Variants in PDS5A observed in about 807,000 individuals in gnomAD.
The protein encoded by PDS5A is PDS5 cohesin associated factor A.
Under a neutral mutation model 167.1 loss-of-function variants are expected in PDS5A, and 42 were observed. The ratio of observed to expected loss-of-function variants is 0.25; its 90% CI spans 0.20 to 0.33. The LOEUF (loss-of-function observed/expected upper bound fraction) is 0.33. PDS5A is among the 10% of genes least tolerant of loss of function. PDS5A has a pLI of 1.00. For missense variants in PDS5A, 1,033 were observed against 1,605.9 expected, an observed-to-expected ratio of 0.64 and a Z score of 6.10; for synonymous variants, 553 against 554.6, an observed-to-expected ratio of 1.00 and a Z score of 0.04.
At chr4:39,894,647 C>T (rs1330477101) in intron 16 of PDS5A, among the ~76,000 whole-genome samples, 1 of 152,170 alleles carries the variant, frequency 6.6e-6, no homozygotes, top group Non-Finnish European at 1.5e-5. Flanking sequence ...TCCACATATA[C>T]ATCTATTATA....
chr4:39,842,876 A>T (rs1011682517), intron 30 of PDS5A, among the ~76,000 whole-genome samples: 3 of 140,024 alleles, frequency 2.1e-5, no homozygotes, highest in African/African-American at 8.1e-5. Context: ...TTATAATTAG[A>T]AAATGTTAGA....
At chr4:39,929,682 C>G (rs1317227736) in intron 2 of PDS5A, among the ~76,000 whole-genome samples, 1 of 149,844 alleles carries the variant, frequency 6.7e-6, no homozygotes, top group Non-Finnish European at 1.5e-5. Flanking sequence ...TCTGTCGCCA[C>G]TGTCAAATAT....
intron 28 of PDS5A, chr4:39,846,877 G>GT (rs1178051589): frequency 6.6e-6 from 1 of 152,172 alleles, no homozygotes; most frequent in Middle Eastern, 3.2e-3. Context: ...AGGCAAAGCT[G>GT]TATCATTTCT....
At chr4:39,949,999 G>A (rs1024916839) in intron 2 of PDS5A, among the ~76,000 whole-genome samples, 19 of 151,786 alleles carry the variant, frequency 1.3e-4, no homozygotes, top group African/African-American at 3.1e-4. Context: ...TCCACCTCCC[G>A]AGTTTAAGTG....
intron 17 of PDS5A, among the ~76,000 whole-genome samples, chr4:39,884,301 G>A (rs2109602030): frequency 6.6e-6 from 1 of 152,298 alleles, no homozygotes; most frequent in East Asian, 1.9e-4. Context: ...TATCTCCTAA[G>A]CAGGGTTTAG....
chr4:39,874,885 A>G lies in PDS5A; in HGVS notation c.2154-473T>C, dbSNP rs1004061076. ...AGTATGCAAAGATACAGCTACATAT[A>G]TATCAGTAGAATGGCAATAAAAATA... On this transcript the variant is annotated intron_variant, in intron 19 of 32. Transcript: ENST00000303538. Among the ~76,000 whole-genome samples, 7 of 152,200 alleles carry G rather than the reference A, an allele frequency of 4.6e-5. No individual in the cohort carries two copies. The East Asian group carries it at 9.6e-4, about 21-fold the overall frequency.
At position 39,900,486 on chromosome 4, in the gene PDS5A, C is replaced by T. The variant is rs1409268743; in HGVS notation, c.1521G>A (p.Lys507=). The change falls in exon 14 of 33, where the codon AAG becomes AAA. Residue 507 remains lysine (K), a synonymous_variant. Coordinates refer to ENST00000303538, the MANE Select transcript of PDS5A (RefSeq NM_001100399.2). ...NAVKALNEMW[K]CQNMLRSHVR... is the part of the protein sequence containing the mutation. ...CATGGCTCCGAAGCATGTTCTGACA[C>T]TTCCACATTTCGTTGAGAGCTCTGT... 1.3e-6 allele frequency: 2 copies of T among 1,580,230 alleles called. No individual in the cohort carries two copies. Among genetic ancestry groups the T allele is most frequent in the Non-Finnish European group, 1.7e-6 (2 of 1,160,776 alleles).
chr4:39,918,496 C>T (rs1724618180), intron 7 of PDS5A, among the ~76,000 whole-genome samples: 2 of 152,012 alleles, frequency 1.3e-5, no homozygotes, highest in African/African-American at 4.8e-5. Flanking sequence ...TTGTATGCAA[C>T]TGATACAAGC....
At chr4:39,976,674 T>C (rs1385341732) in intron 1 of PDS5A, 57 bp from the exon 2 acceptor site, 1 of 900,870 alleles carries the variant, frequency 1.1e-6, no homozygotes, top group Non-Finnish European at 1.7e-6. Flanking sequence ...AACCTCTTTT[T>C]TCATTTCAAA....
chr4:39,879,625 CAAAT>C, intron 18 of PDS5A, 99 bp downstream of exon 18: 3 of 600,912 alleles, frequency 5.0e-6, no homozygotes, highest in Non-Finnish European at 9.0e-6. Flanking sequence ...TTAAATCTTT[CAAAT>C]AGTTTCCTGT....
At chr4:39,930,331 G>A (rs902745063) in intron 2 of PDS5A, among the ~76,000 whole-genome samples, 1 of 144,830 alleles carries the variant, frequency 6.9e-6, no homozygotes, top group African/African-American at 2.6e-5. Context: ...GGGCTCAAGC[G>A]ACCTGCCTGC....
At chr4:39,894,480 AT>A (rs1722228614) in intron 16 of PDS5A, among the ~76,000 whole-genome samples, 1 of 152,146 alleles carries the variant, frequency 6.6e-6, no homozygotes, top group South Asian at 2.1e-4. Flanking sequence ...TTGTCTGGGC[AT>A]TTGGCACATC....
chr4:39,903,681 A>C (rs1329904028), intron 12 of PDS5A, among the ~76,000 whole-genome samples: 1 of 152,182 alleles, frequency 6.6e-6, no homozygotes, highest in African/African-American at 2.4e-5. Flanking sequence ...TGGGAAAGGC[A>C]CTATTATTTT....
At chr4:39,841,024 C>T (rs1030061026) in intron 31 of PDS5A, among the ~76,000 whole-genome samples, 2 of 134,984 alleles carry the variant, frequency 1.5e-5, no homozygotes, top group African/African-American at 2.5e-5. Flanking sequence ...CCAAAGTGCA[C>T]GATTACAGGT....
chr4:39,943,183 T>C (rs941120055), intron 2 of PDS5A, among the ~76,000 whole-genome samples: 2 of 151,346 alleles, frequency 1.3e-5, no homozygotes, highest in Admixed American at 6.6e-5. Flanking sequence ...CGCACACATA[T>C]ATACATATAT....
chr4:39,871,419 G>A (rs1237004672), intron 21 of PDS5A, among the ~76,000 whole-genome samples: 2 of 152,114 alleles, frequency 1.3e-5, no homozygotes, highest in Admixed American at 1.3e-4. Context: ...GATATGTAAG[G>A]GTAGAAAATG....
chr4:39,974,150 TCTC>T, intron 2 of PDS5A: 1 of 574,596 alleles, frequency 1.7e-6, no homozygotes, highest in Non-Finnish European at 3.5e-6. Flanking sequence ...TGCTGCATAC[TCTC>T]CTCCTAGCCA....
chr4:39,944,955 T>C (rs1223469653), intron 2 of PDS5A, among the ~76,000 whole-genome samples: 1 of 152,200 alleles, frequency 6.6e-6, no homozygotes, highest in African/African-American at 2.4e-5. Flanking sequence ...TCTTAATTCT[T>C]AAAGCCTATT....
intron 8 of PDS5A, among the ~76,000 whole-genome samples, chr4:39,916,124 C>G (rs1724348689): frequency 6.6e-6 from 1 of 151,868 alleles, no homozygotes; most frequent in Non-Finnish European, 1.5e-5. Context: ...GTAGTCCCAG[C>G]TCCTCAAGAG....
Sources: gnomAD v4.1 joint callset for allele counts (sites outside exome capture counted in the v4.1 genomes callset) on GRCh38, gnomAD v4.1.1 for gene constraint, MANE v1.5 for transcripts, NCBI Gene and HGNC (gene_info 2026-07-23, HGNC 2026-07-21) for gene names.